COL25A1: variants seen among roughly 807,000 people sequenced by gnomAD.
COL25A1 encodes collagen alpha-1(XXV) chain.
A neutral mutation model predicts 128.4 loss-of-function variants in COL25A1; 103 were observed. That is an observed-to-expected ratio of 0.80 (90% CI 0.68 to 0.94). COL25A1 has a LOEUF of 0.94. COL25A1 is among the 40% of genes least tolerant of loss of function. The pLI is 0.00. For missense variants in COL25A1, 745 were observed against 840.0 expected (o/e 0.89, Z 1.40); for synonymous variants, 279 against 277.2 (o/e 1.01, Z -0.06).
intron 3 of COL25A1, among the ~76,000 whole-genome samples, chr4:109,261,703 C>CTT (rs200946861): frequency 3.5e-5 from 5 of 144,392 alleles, no homozygotes; most frequent in African/African-American, 1.3e-4. Flanking sequence ...TTTCTTTTTT[C>CTT]TTTTTTTTTT....
intron 4 of COL25A1, among the ~76,000 whole-genome samples, chr4:109,049,027 C>T (rs1015755515): frequency 2.0e-5 from 3 of 151,844 alleles, no homozygotes; most frequent in African/African-American, 7.2e-5. Context: ...TTTGACAATA[C>T]TCTTTAAAAA....
chr4:109,031,273 G>A (rs1439682000), intron 5 of COL25A1, among the ~76,000 whole-genome samples: 5 of 152,162 alleles, frequency 3.3e-5, no homozygotes, highest in South Asian at 2.1e-4. Context: ...CACCGCGCCC[G>A]GCTAATTTTG....
chr4:108,912,778 TTATC>T (rs1744385401), intron 13 of COL25A1, among the ~76,000 whole-genome samples: 1 of 152,174 alleles, frequency 6.6e-6, no homozygotes, highest in Non-Finnish European at 1.5e-5. Flanking sequence ...GAGCTTCAAT[TTATC>T]TATTCTCTAA....
chr4:108,902,708 A>G (rs1014470762), intron 13 of COL25A1, among the ~76,000 whole-genome samples: 3 of 152,038 alleles, frequency 2.0e-5, no homozygotes, highest in Non-Finnish European at 4.4e-5. Context: ...CCTCCTGGAA[A>G]AAAATTCTGC....
chr4:108,882,130 A>G (rs138395202), intron 19 of COL25A1, among the ~76,000 whole-genome samples: 145 of 152,300 alleles, frequency 9.5e-4, no homozygotes, highest in African/African-American at 3.3e-3. Context: ...ATCCCTCCCA[A>G]CTTCAAAAAG....
At chr4:109,054,126 A>G (rs975067179) in intron 3 of COL25A1, among the ~76,000 whole-genome samples, 4 of 152,202 alleles carry the variant, frequency 2.6e-5, no homozygotes, top group Non-Finnish European at 5.9e-5. Context: ...TACTTTCTTT[A>G]TATTTTCTTT....
At position 109,013,807 on chromosome 4, in the gene COL25A1, G is replaced by A. The variant is rs191720547; in HGVS notation, c.421-3432C>T. 7.2e-5 allele frequency among the ~76,000 whole-genome samples: 11 copies of A among 152,146 alleles called. No individual in the cohort carries two copies. In the East Asian group the frequency reaches 1.4e-3, roughly 19 times the overall value. On this transcript the variant is annotated intron_variant, in intron 5 of 37. Transcript: ENST00000399132. ...CCGAACATCAGAAGGAACAAACTCC[G>A]GACACACCATCTTTAAGAACTGTAA...
At chr4:108,911,882 G>A (rs1006432632) in intron 13 of COL25A1, among the ~76,000 whole-genome samples, 12 of 144,354 alleles carry the variant, frequency 8.3e-5, no homozygotes, top group African/African-American at 2.6e-4. Context: ...AATCCCAATC[G>A]TTCAACTGTT....
At chr4:109,096,069 T>C (rs1765373136) in intron 3 of COL25A1, among the ~76,000 whole-genome samples, 1 of 152,208 alleles carries the variant, frequency 6.6e-6, no homozygotes, top group African/African-American at 2.4e-5. Flanking sequence ...TATAGAACAA[T>C]GGGTTGGCGA....
At chr4:109,197,507 AT>A (rs1776218526) in intron 3 of COL25A1, among the ~76,000 whole-genome samples, 1 of 131,564 alleles carries the variant, frequency 7.6e-6, no homozygotes, top group African/African-American at 2.9e-5. Context: ...TATATATTAT[AT>A]AATATTTATA....
intron 3 of COL25A1, among the ~76,000 whole-genome samples, chr4:109,155,346 TC>T (rs1236117804): frequency 6.6e-6 from 1 of 152,160 alleles, no homozygotes; most frequent in African/African-American, 2.4e-5. Context: ...AATTTATCAC[TC>T]CCACTTTTAC....
At chr4:108,862,904 C>G (rs1395316489) in intron 21 of COL25A1, among the ~76,000 whole-genome samples, 1 of 152,052 alleles carries the variant, frequency 6.6e-6, no homozygotes, top group Non-Finnish European at 1.5e-5. Flanking sequence ...AAAGTGTGAC[C>G]ACATTAGTTT....
rs373203479 is a variant in COL25A1 at position 108,983,953 on chromosome 4, G to C, written c.439-9394C>G. 9.9e-5 allele frequency among the ~76,000 whole-genome samples: 15 copies of C among 152,200 alleles called. 1 individual carries two copies. The South Asian group carries it at 1.0e-3, about 11-fold the overall frequency. On this transcript the variant is annotated intron_variant, in intron 6 of 37. Transcript: ENST00000399132. ...CCAAGCGGGTTGCCACTGCTGACTCGGGCAGCCTGCTTTTATTCTCTTATC... is the reference window on the plus strand; with the variant it reads ...CCAAGCGGGTTGCCACTGCTGACTCCGGCAGCCTGCTTTTATTCTCTTATC...
At chr4:108,911,985 G>T (rs1487932147) in intron 13 of COL25A1, among the ~76,000 whole-genome samples, 1 of 151,918 alleles carries the variant, frequency 6.6e-6, no homozygotes, top group Non-Finnish European at 1.5e-5. Flanking sequence ...GGAGAAAGTG[G>T]TTTTAAAGAA....
In COL25A1 at chr4:109,204,668, T is replaced by C. The variant is rs183685738; in HGVS notation, c.367+95915A>G. 3.3e-5 allele frequency among the ~76,000 whole-genome samples: 5 copies of C among 152,338 alleles called. No individual in the cohort carries two copies. In the East Asian group the frequency reaches 9.6e-4, roughly 29 times the overall value. ...GCTTACAGACACAGCATGACTACTT[T>C]GTTTCAACAACAGAAAGCAGGAAGA... On this transcript the variant is annotated intron_variant, in intron 3 of 37. Coordinates refer to ENST00000399132, the MANE Select transcript of COL25A1 (RefSeq NM_198721.4).
intron 3 of COL25A1, among the ~76,000 whole-genome samples, chr4:109,270,021 C>A (rs540672879): frequency 2.9e-4 from 44 of 152,122 alleles, no homozygotes; most frequent in African/African-American, 1.1e-3. Flanking sequence ...ATTCAACAAC[C>A]TTTCATGCTA....
intron 5 of COL25A1, chr4:109,021,839 A>G: frequency 4.6e-6 from 2 of 433,284 alleles, no homozygotes; most frequent in Non-Finnish European, 4.6e-6. Flanking sequence ...AAGGACTGAG[A>G]TACACCCTGG....
chr4:108,959,640 A>T (rs1425357), intron 8 of COL25A1, among the ~76,000 whole-genome samples: 46,129 of 152,032 alleles, frequency 0.3, 7,557 homozygotes, highest in South Asian at 0.45. Context: ...AACAGTTATA[A>T]TATACAATTC....
intron 3 of COL25A1, among the ~76,000 whole-genome samples, chr4:109,220,291 T>C (rs139356796): frequency 1.1e-4 from 16 of 152,354 alleles, no homozygotes; most frequent in Non-Finnish European, 2.2e-4. Context: ...CGCATATTTC[T>C]GAACCTGAAG....
Sources: allele counts gnomAD v4.1 joint callset (sites outside exome capture counted in the v4.1 genomes callset), GRCh38; gene constraint gnomAD v4.1.1; transcripts MANE v1.5; gene names NCBI Gene and HGNC (gene_info 2026-07-23, HGNC 2026-07-21).